The following SMAD5 variants were observed in gnomAD, a reference collection of about 807,000 sequenced individuals.
SMAD5 encodes the protein SMAD family member 5.
In SMAD5, 9 loss-of-function variants were observed where a neutral mutation model predicts 43.1. The ratio of observed to expected loss-of-function variants is 0.21; its 90% CI spans 0.13 to 0.36. SMAD5 has a LOEUF of 0.36. SMAD5 is among the 10% of genes least tolerant of loss of function. The pLI, the probability that SMAD5 is intolerant of heterozygous loss-of-function variation, is 1.00. For missense variants in SMAD5, 348 were observed against 574.0 expected, an observed-to-expected ratio of 0.61 and a Z score of 4.02; for synonymous variants, 190 against 192.4, an observed-to-expected ratio of 0.99 and a Z score of 0.10.
At chr5:136,152,670 T>C (rs967252434) in intron 2 of SMAD5, 1 of 152,154 alleles carries the variant, frequency 6.6e-6, no homozygotes, top group Non-Finnish European at 1.5e-5. Flanking sequence ...TTATTCTTTA[T>C]TTAGAAATGG....
chr5:136,173,225 C>T (rs1459839871), intron 6 of SMAD5, among the ~76,000 whole-genome samples: 1 of 151,872 alleles, frequency 6.6e-6, no homozygotes, highest in Non-Finnish European at 1.5e-5. Flanking sequence ...ATTCATCCTG[C>T]AGATAGTTGC....
intron 2 of SMAD5, among the ~76,000 whole-genome samples, chr5:136,149,465 TATC>T (rs1012576202): frequency 1.4e-4 from 22 of 151,796 alleles, no homozygotes; most frequent in African/African-American, 4.6e-4. Flanking sequence ...AGTTCTGTAT[TATC>T]ATGAACAGTT....
intron 5 of SMAD5, among the ~76,000 whole-genome samples, chr5:136,163,892 C>A (rs1430883879): frequency 2.0e-5 from 3 of 152,120 alleles, no homozygotes; most frequent in Non-Finnish European, 4.4e-5. Flanking sequence ...TTATTATAAA[C>A]ATTTGCAGCT....
chr5:136,150,712 T>A (rs909729445), intron 2 of SMAD5, among the ~76,000 whole-genome samples: 42 of 151,912 alleles, frequency 2.8e-4, no homozygotes, highest in African/African-American at 1.0e-3. Context: ...GGAAGAGTAA[T>A]GGGCAAGATT....
intron 1 of SMAD5, among the ~76,000 whole-genome samples, chr5:136,139,880 AT>A (rs979875794): frequency 1.3e-5 from 2 of 150,982 alleles, no homozygotes; most frequent in Non-Finnish European, 1.5e-5. Context: ...ATTAAAAACA[AT>A]TTTTTTTTGT....
chr5:136,174,452 G>A lies in SMAD5; in HGVS notation c.1074G>A (p.Arg358=), dbSNP rs1192699157. 1.2e-6 allele frequency: 2 copies of A among 1,613,746 alleles called. No individual in the cohort carries two copies. The highest frequency in any genetic ancestry group is 1.7e-6 in the Non-Finnish European group (2 of 1,179,762). The change falls in exon 7 of 8, where the codon AGG becomes AGA. Residue 358 remains arginine, a synonymous_variant. Transcript: ENST00000545279. ...LSDSSIFVQS[R]NCNFHHGFHP... ...ACAGCAGCATATTTGTACAGAGTAG[G>A]AACTGCAACTTTCATCATGGCTTTC... is the stretch of plus-strand genomic sequence containing the variant.
chr5:136,173,895 G>T (rs2149781283), intron 6 of SMAD5, among the ~76,000 whole-genome samples: 1 of 151,746 alleles, frequency 6.6e-6, no homozygotes, highest in Non-Finnish European at 1.5e-5. Flanking sequence ...AGATAAATCT[G>T]CCATTTCAAA....
rs566934980 is a variant in SMAD5, at chr5:136,177,094, G to C, written c.1255-243G>C. ...TAAAAAAAATTATGAACTATAACTG[G>C]CTCTAAGGGTTTCTTTTAAGGGAAT... On this transcript the variant is annotated intron_variant, in intron 7 of 7. Transcript: ENST00000545279. Among the ~76,000 whole-genome samples the C allele has an allele frequency of 3.3e-5, 5 of 152,160 alleles. No individual in the cohort carries two copies. In the East Asian group the frequency reaches 9.6e-4, roughly 29 times the overall value.
Position 136,163,359 on chromosome 5 carries a change from T to G in SMAD5, c.743T>G (p.Ile248Ser). 6.2e-7 allele frequency: 1 copy of G among 1,607,752 alleles called. No homozygotes were observed. Among genetic ancestry groups the G allele is most frequent in the Non-Finnish European group, 8.5e-7 (1 of 1,174,698 alleles). The change falls in exon 5 of 8, where the codon ATT (isoleucine) becomes AGT (serine). Residue 248 changes from isoleucine (I) to serine (S), a missense_variant. Around this residue, in one of 5 missense-constraint regions of SMAD5, gnomAD observed 185 missense variants for 207.0 expected, o/e 0.89. Transcript: ENST00000545279. ...SQPMDTSNNM[I>S]PQIMPSISSR... Reference sequence around the variant, plus strand: ...CCTATGGATACAAGCAATAATATGATTCCTCAGATTATGCCCAGTATATCC... The same window carrying G: ...CCTATGGATACAAGCAATAATATGAGTCCTCAGATTATGCCCAGTATATCC...
chr5:136,157,179 TAAAAG>T (rs1453567718), intron 3 of SMAD5, among the ~76,000 whole-genome samples: 3 of 152,100 alleles, frequency 2.0e-5, no homozygotes, highest in African/African-American at 4.8e-5. Flanking sequence ...AACAAAGACT[TAAAAG>T]GGAAGTAACT....
At chr5:136,162,613 GTTC>G (rs974568527) in intron 4 of SMAD5, among the ~76,000 whole-genome samples, 2 of 152,128 alleles carry the variant, frequency 1.3e-5, no homozygotes, top group Middle Eastern at 3.2e-3. Flanking sequence ...GACAAATTCG[GTTC>G]TTATTTATAA....
At chr5:136,145,195 A>G (rs1405536201) in intron 1 of SMAD5, among the ~76,000 whole-genome samples, 3 of 151,730 alleles carry the variant, frequency 2.0e-5, no homozygotes, top group Admixed American at 1.3e-4. Context: ...GCCAGGTGGC[A>G]GTTTTGATCT....
intron 1 of SMAD5, among the ~76,000 whole-genome samples, chr5:136,138,852 G>A (rs990422505): frequency 1.3e-5 from 2 of 152,098 alleles, no homozygotes; most frequent in Non-Finnish European, 2.9e-5. Context: ...TGAATTTTGA[G>A]GGATGGTTCT....
intron 5 of SMAD5, among the ~76,000 whole-genome samples, chr5:136,168,906 A>G (rs940599878): frequency 6.6e-6 from 1 of 152,052 alleles, no homozygotes; most frequent in Non-Finnish European, 1.5e-5. Context: ...ATTTCTTTTT[A>G]GCATCTCTAT....
At chr5:136,134,503 C>G (rs1235309518) in intron 1 of SMAD5, 1 of 152,186 alleles carries the variant, frequency 6.6e-6, no homozygotes, top group East Asian at 1.9e-4. Context: ...TTCAGTGTGA[C>G]AGTTTCACAT....
rs1390763227 is a variant in SMAD5 at position 136,160,873 on chromosome 5, G to A, written c.421G>A (p.Val141Met). Residue 141 changes from valine (V) to methionine (M), a missense_variant, in exon 4 of 8, where the codon GTG (valine) becomes ATG (methionine). Val to Met is a conservative substitution (Grantham distance 21, BLOSUM62 1). This residue lies in a region of SMAD5 where 185 missense variants were observed against 207.0 expected (regional missense o/e 0.89). Transcript: ENST00000545279. Reference sequence around the variant, plus strand: ...TTTTTCAGTCTTACCTCCAGTATTAGTGCCTCGTCATAATGAATTCAATCC... The same window carrying A: ...TTTTTCAGTCTTACCTCCAGTATTAATGCCTCGTCATAATGAATTCAATCC... ...VESPVLPPVL[V>M]PRHNEFNPQH... 1 of 1,613,748 alleles carries A rather than the reference G, an allele frequency of 6.2e-7. No homozygotes were observed. Among genetic ancestry groups the A allele is most frequent in the Admixed American group, 1.7e-5 (1 of 60,014 alleles).
At chr5:136,164,875 TTTGAG>T (rs1427739941) in intron 5 of SMAD5, among the ~76,000 whole-genome samples, 13 of 152,318 alleles carry the variant, frequency 8.5e-5, no homozygotes, top group African/African-American at 2.6e-4. Context: ...AGTGGTTCCT[TTTGAG>T]TTAAGTTTGT....
In SMAD5 at chr5:136,178,466, G is replaced by A. The variant is rs980419807; in HGVS notation, c.*986G>A. 1 of 152,464 alleles carries A rather than the reference G, an allele frequency of 6.6e-6. No individual in the cohort carries two copies. Among genetic ancestry groups the A allele is most frequent in the Non-Finnish European group, 1.5e-5 (1 of 68,018 alleles). The allele number at this position is 152,464 out of a possible 1,614,324, so 9.4% of individuals were successfully genotyped here. ...TGCAATTTATAGATTACATTTGTAG[G>A]AAGTTATGCTTTTTTCTGGTTTTTG... On this transcript the variant is annotated 3_prime_UTR_variant, in exon 8 of 8. Coordinates refer to ENST00000545279, the MANE Select transcript of SMAD5 (RefSeq NM_005903.7).
intron 5 of SMAD5, among the ~76,000 whole-genome samples, chr5:136,164,320 A>C (rs758815620): frequency 2.6e-5 from 4 of 152,206 alleles, no homozygotes; most frequent in Non-Finnish European, 5.9e-5. Flanking sequence ...AAAACTATAA[A>C]ACTTCTCTGA....
Sources: allele counts gnomAD v4.1 joint callset (sites outside exome capture counted in the v4.1 genomes callset), GRCh38; gene constraint gnomAD v4.1.1; regional missense constraint gnomAD v4.1.1; transcripts MANE v1.5; gene names NCBI Gene and HGNC (gene_info 2026-07-23, HGNC 2026-07-21).